TAFA2: variants seen among roughly 807,000 people sequenced by gnomAD.
The protein encoded by TAFA2 is chemokine-like protein TAFA-2.
TAFA2 carries 7 observed loss-of-function variants against 18.8 expected under a neutral mutation model. The observed-to-expected ratio is 0.37, with a 90% CI of 0.21 to 0.70. The LOEUF (loss-of-function observed/expected upper bound fraction) is 0.70. TAFA2 is among the 30% of genes least tolerant of loss of function. The probability of loss-of-function intolerance (pLI) is 0.53; values close to 1 mark genes in which losing one functional copy is unlikely to be tolerated. For missense variants in TAFA2, 122 were observed against 158.1 expected, an observed-to-expected ratio of 0.77 and a Z score of 1.23; for synonymous variants, 60 against 54.2, an observed-to-expected ratio of 1.11 and a Z score of -0.47.
chr12:61,799,706 C>T (rs1012194734), intron 2 of TAFA2, among the ~76,000 whole-genome samples: 1 of 152,240 alleles, frequency 6.6e-6, no homozygotes, highest in Non-Finnish European at 1.5e-5. Flanking sequence ...CCTGTAGTCC[C>T]AGCTACTCGG....
intron 1 of TAFA2, among the ~76,000 whole-genome samples, chr12:62,118,068 C>T (rs1870036362): frequency 6.6e-6 from 1 of 152,100 alleles, no homozygotes; most frequent in African/African-American, 2.4e-5. Context: ...TTCAACTATG[C>T]AGTCACCTCA....
intron 1 of TAFA2, among the ~76,000 whole-genome samples, chr12:62,051,194 C>A (rs1044616642): frequency 6.6e-6 from 1 of 152,162 alleles, no homozygotes; most frequent in Non-Finnish European, 1.5e-5. Flanking sequence ...ACCACTCTCC[C>A]ATTCATCCAT....
intron 2 of TAFA2, among the ~76,000 whole-genome samples, chr12:61,759,640 G>T (rs1869442493): frequency 6.6e-6 from 1 of 151,962 alleles, no homozygotes; most frequent in Non-Finnish European, 1.5e-5. Context: ...TAACTACAAG[G>T]TAATACTTTC....
chr12:62,117,986 C>A (rs565194694), intron 1 of TAFA2, among the ~76,000 whole-genome samples: 3 of 151,996 alleles, frequency 2.0e-5, no homozygotes, highest in African/African-American at 7.2e-5. Context: ...TCTATTTGGC[C>A]ATTTTTAATA....
chr12:62,148,970 C>T (rs2062306520), intron 1 of TAFA2, among the ~76,000 whole-genome samples: 1 of 152,134 alleles, frequency 6.6e-6, no homozygotes, highest in African/African-American at 2.4e-5. Flanking sequence ...ATCCCATTAC[C>T]TAGCATTATA....
intron 4 of TAFA2, among the ~76,000 whole-genome samples, chr12:61,747,671 C>T (rs1421577668): frequency 6.8e-6 from 1 of 145,996 alleles, no homozygotes; most frequent in African/African-American, 2.6e-5. Flanking sequence ...ACAATGAGAT[C>T]ACATGGACAC....
At chr12:61,947,404 A>G (rs1287735637) in intron 1 of TAFA2, among the ~76,000 whole-genome samples, 9 of 151,486 alleles carry the variant, frequency 5.9e-5, no homozygotes, top group Admixed American at 2.0e-4. Flanking sequence ...ACATGTATAC[A>G]TATGTAACTA....
At chr12:61,885,832 ATT>A (rs1314889449) in intron 1 of TAFA2, among the ~76,000 whole-genome samples, 1 of 152,206 alleles carries the variant, frequency 6.6e-6, no homozygotes, top group Non-Finnish European at 1.5e-5. Context: ...AACAGGCTTC[ATT>A]CCACTTTCTG....
upstream of TAFA2, among the ~76,000 whole-genome samples, chr12:62,197,149 G>A (rs1036890838): frequency 1.3e-5 from 2 of 152,182 alleles, no homozygotes; most frequent in Admixed American, 1.3e-4. Context: ...GAGGTGGGAT[G>A]GTTTCATCCC....
chr12:61,738,605 T>A (rs1868348621), intron 4 of TAFA2, among the ~76,000 whole-genome samples: 1 of 152,074 alleles, frequency 6.6e-6, no homozygotes, highest in African/African-American at 2.4e-5. Context: ...TTGCAGCATA[T>A]CCTGGGTAGA....
intron 2 of TAFA2, among the ~76,000 whole-genome samples, chr12:61,857,891 A>G (rs1045777960): frequency 7.2e-5 from 11 of 152,270 alleles, no homozygotes; most frequent in Admixed American, 3.9e-4. Flanking sequence ...ACCCAGGGGA[A>G]AAAAAAGAGA....
At chr12:61,884,278 T>G (rs1254544596) in intron 1 of TAFA2, among the ~76,000 whole-genome samples, 1 of 152,148 alleles carries the variant, frequency 6.6e-6, no homozygotes. Context: ...ATGTAGTAGG[T>G]ACCAGCGAGG....
At chr12:61,866,862 C>A (rs1314158439) in intron 2 of TAFA2, among the ~76,000 whole-genome samples, 2 of 151,910 alleles carry the variant, frequency 1.3e-5, no homozygotes, top group Non-Finnish European at 2.9e-5. Context: ...TGAAACTTAT[C>A]TTTATTATAT....
At chr12:61,937,818 A>C (rs1458306671) in intron 1 of TAFA2, among the ~76,000 whole-genome samples, 1 of 152,216 alleles carries the variant, frequency 6.6e-6, no homozygotes, top group African/African-American at 2.4e-5. Context: ...GACCTAATTA[A>C]ACAAAAAGCT....
intron 2 of TAFA2, among the ~76,000 whole-genome samples, chr12:61,825,585 G>T (rs1482638375): frequency 6.6e-6 from 1 of 151,950 alleles, no homozygotes; most frequent in East Asian, 1.9e-4. Flanking sequence ...AAAAAAGTAG[G>T]TTAGTAGAAA....
At chr12:62,238,402 T>C (rs2062847632) in intron 1 of TAFA2, among the ~76,000 whole-genome samples, 1 of 152,202 alleles carries the variant, frequency 6.6e-6, no homozygotes, top group Non-Finnish European at 1.5e-5. Context: ...GTTACATCAC[T>C]CAACAATAAC....
chr12:62,128,397 A>G (rs951816195), intron 1 of TAFA2, among the ~76,000 whole-genome samples: 7 of 152,066 alleles, frequency 4.6e-5, no homozygotes, highest in Non-Finnish European at 8.8e-5. Context: ...ACATAAATTA[A>G]GCTTGTGTTT....
chr12:62,176,644 G>C (rs983692921), intron 1 of TAFA2, among the ~76,000 whole-genome samples: 5 of 151,932 alleles, frequency 3.3e-5, no homozygotes, highest in Non-Finnish European at 5.9e-5. Flanking sequence ...ACATAACAAC[G>C]CTTTTCATCA....
chr12:61,867,912 T>G (rs1874429300), intron 1 of TAFA2, among the ~76,000 whole-genome samples: 1 of 152,148 alleles, frequency 6.6e-6, no homozygotes, highest in African/African-American at 2.4e-5. Flanking sequence ...TAATGTGCTT[T>G]TTAAAAATCA....
Sources: gnomAD v4.1 joint callset for allele counts (sites outside exome capture counted in the v4.1 genomes callset) on GRCh38, gnomAD v4.1.1 for gene constraint, MANE v1.5 for transcripts, NCBI Gene and HGNC (gene_info 2026-07-23, HGNC 2026-07-21) for gene names.